Variants in DNM1L observed in about 807,000 individuals in gnomAD.
DNM1L encodes dynamin-1-like protein.
In DNM1L, 33 loss-of-function variants were observed where a neutral mutation model predicts 92.8. The observed-to-expected ratio is 0.36, with a 90% CI of 0.27 to 0.48. DNM1L has a LOEUF of 0.48. Among genes scored for constraint, DNM1L ranks in the 20% least tolerant of loss-of-function variants. The probability of loss-of-function intolerance (pLI) is 0.99; values close to 1 mark genes in which losing one functional copy is unlikely to be tolerated. For synonymous variants in DNM1L, 284 were observed against 305.0 expected (o/e 0.93, Z 0.72); for missense variants, 485 against 888.8 (o/e 0.55, Z 5.78).
intron 18 of DNM1L, among the ~76,000 whole-genome samples, chr12:32,742,388 G>A (rs1955370134): frequency 6.6e-6 from 1 of 152,208 alleles, no homozygotes; most frequent in African/African-American, 2.4e-5. Context: ...ACAGGCATGA[G>A]CCACTGCGCC....
In DNM1L at chr12:32,717,903, GTATATATATAAAATATAGTATATATTTTA is replaced by G. The variant is rs1289599069; in HGVS notation, c.620-714_620-686del. ...TATATATTTATATATACTATATATA[GTATATATATAAAATATAGTATATATTTTA>G]TATATATATAAAATATAGTATATAT... On this transcript the variant is annotated intron_variant, in intron 6 of 19. Coordinates refer to ENST00000549701, the MANE Select transcript of DNM1L (RefSeq NM_012062.5). Among the ~76,000 whole-genome samples the G allele has an allele frequency of 1.6e-3, 127 of 79,454 alleles. 7 individuals carry two copies. Among genetic ancestry groups the G allele is most frequent in the African/African-American group, 5.8e-3 (107 of 18,576 alleles). The allele number at this position is 79,454 out of a possible 152,430, so 52.1% of individuals were successfully genotyped here.
At chr12:32,715,507 C>T (rs897492313) in intron 6 of DNM1L, among the ~76,000 whole-genome samples, 4 of 151,842 alleles carry the variant, frequency 2.6e-5, no homozygotes, top group South Asian at 2.1e-4. Context: ...CTGAGGTGAG[C>T]GGATCGCTTG....
At chr12:32,706,773 TGA>T in intron 2 of DNM1L, 1 of 445,454 alleles carries the variant, frequency 2.2e-6, no homozygotes. Flanking sequence ...TCTATAATAA[TGA>T]GAGAGCTCTT....
intron 1 of DNM1L, among the ~76,000 whole-genome samples, chr12:32,695,394 A>G (rs768163346): frequency 4.6e-5 from 7 of 152,226 alleles, no homozygotes; most frequent in Non-Finnish European, 7.3e-5. Context: ...GGCAAGACAG[A>G]AGACACTACA....
At chr12:32,681,939 A>C (rs1052966679) in intron 1 of DNM1L, among the ~76,000 whole-genome samples, 2 of 151,842 alleles carry the variant, frequency 1.3e-5, no homozygotes, top group Non-Finnish European at 2.9e-5. Context: ...GGCTGCAGTG[A>C]GCTATGATTC....
chr12:32,710,558 G>T (rs1328481584), intron 4 of DNM1L, among the ~76,000 whole-genome samples: 1 of 151,236 alleles, frequency 6.6e-6, no homozygotes, highest in Admixed American at 6.6e-5. Context: ...TTTTGAGGCT[G>T]CAGTGAGCCA....
Position 32,744,919 on chromosome 12 carries a change from T to TAGAC in DNM1L, c.*1511_*1514dup. On this transcript the variant is annotated 3_prime_UTR_variant, in exon 20 of 20. Coordinates refer to ENST00000549701, the MANE Select transcript of DNM1L (RefSeq NM_012062.5). ...TTAAGACATCTAGCCCCGTCTCTAA[T>TAGAC]AGACAACACATTTATATTGCAGATA... 1 of 517,798 alleles carries TAGAC rather than the reference T, an allele frequency of 1.9e-6. No homozygotes were observed. The highest frequency in any genetic ancestry group is 1.4e-5 in the South Asian group (1 of 71,222). The allele number at this position is 517,798 out of a possible 1,614,324, so 32.1% of individuals were successfully genotyped here.
chr12:32,717,391 GTATA>G (rs1454533592), intron 6 of DNM1L, among the ~76,000 whole-genome samples: 1 of 56,832 alleles, frequency 1.8e-5, no homozygotes, highest in Non-Finnish European at 3.2e-5. Flanking sequence ...ATAATATATA[GTATA>G]TATAATATAT....
At chr12:32,720,619 G>C (rs761631903) in intron 7 of DNM1L, 45 bp from the exon 8 acceptor site, 2 of 1,612,454 alleles carry the variant, frequency 1.2e-6, no homozygotes, top group Admixed American at 3.3e-5. Context: ...GGTAGGAAGA[G>C]GACAACAGTT....
At chr12:32,724,377 A>G (rs1304855963) in intron 9 of DNM1L, among the ~76,000 whole-genome samples, 1 of 151,746 alleles carries the variant, frequency 6.6e-6, no homozygotes, top group African/African-American at 2.4e-5. Context: ...AGAGATCAAG[A>G]CCATCCTGGC....
rs1290372196 is a variant in DNM1L at position 32,744,098 on chromosome 12, G to A, written c.*688G>A. 6.6e-6 allele frequency: 1 copy of A among 152,198 alleles called. No homozygotes were observed. Among genetic ancestry groups the A allele is most frequent in the African/African-American group, 2.4e-5 (1 of 41,428 alleles). 9.4% of individuals were successfully genotyped at this position (152,198 alleles called of 1,614,324 possible). On this transcript the variant is annotated 3_prime_UTR_variant, in exon 20 of 20. Coordinates refer to ENST00000549701, the MANE Select transcript of DNM1L (RefSeq NM_012062.5). The stretch of plus-strand genomic sequence containing the variant: ...TGATTCATACTTAAACCTGAAAGCA[G>A]GAATGCCTACATTAATTCCTACATT...
In DNM1L at chr12:32,744,819, A is replaced by C. The variant is rs1420368245; in HGVS notation, c.*1409A>C. 1 of 472,648 alleles carries C rather than the reference A, an allele frequency of 2.1e-6. No individual in the cohort carries two copies. Among genetic ancestry groups the C allele is most frequent in the Non-Finnish European group, 4.3e-6 (1 of 234,840 alleles). The allele number at this position is 472,648 out of a possible 1,614,324, so 29.3% of individuals were successfully genotyped here. A position where few individuals can be genotyped will look rare whatever the true frequency, so the allele number is the denominator to read the frequency against. The stretch of plus-strand genomic sequence containing the variant: ...GTGATGAGGTTTAGAACATATACAT[A>C]TTTTGTTAAAATTCCCCAGATGATT... On this transcript the variant is annotated 3_prime_UTR_variant, in exon 20 of 20. Transcript: ENST00000549701.
At chr12:32,696,397 C>CAG (rs1952461471) in intron 1 of DNM1L, among the ~76,000 whole-genome samples, 1 of 150,826 alleles carries the variant, frequency 6.6e-6, no homozygotes, top group African/African-American at 2.4e-5. Context: ...CACACACACA[C>CAG]ACACACACAC....
At chr12:32,724,655 T>C (rs1954013587) in intron 9 of DNM1L, among the ~76,000 whole-genome samples, 1 of 142,200 alleles carries the variant, frequency 7.0e-6, no homozygotes, top group Non-Finnish European at 1.5e-5. Flanking sequence ...AAATATTTAA[T>C]ATATATATAA....
chr12:32,685,151 A>T (rs974355266), intron 1 of DNM1L, among the ~76,000 whole-genome samples: 1 of 151,448 alleles, frequency 6.6e-6, no homozygotes, highest in Non-Finnish European at 1.5e-5. Flanking sequence ...GTTAGCCAGG[A>T]TGGTCTCGAT....
At chr12:32,732,773 CA>C (rs1954634769) in intron 12 of DNM1L, among the ~76,000 whole-genome samples, 1 of 152,112 alleles carries the variant, frequency 6.6e-6, no homozygotes, top group Non-Finnish European at 1.5e-5. Flanking sequence ...TTTGTTAGGA[CA>C]GCACATAATA....
chr12:32,737,764 T>C, intron 14 of DNM1L, 101 bp from the exon 15 acceptor site: 1 of 877,614 alleles, frequency 1.1e-6, no homozygotes, highest in South Asian at 1.4e-5. Flanking sequence ...TCATGTTATT[T>C]TACGATTTCA....
In DNM1L at chr12:32,696,781, C is replaced by T. The variant is rs182442131; in HGVS notation, c.103-4634C>T. ...CTGGGATTGCAGGCATCTGCCACCA[C>T]GCCCGGCTAATTTTTGTATTTTTAG... On this transcript the variant is annotated intron_variant, in intron 1 of 19. Transcript: ENST00000549701. Among the ~76,000 whole-genome samples the T allele has an allele frequency of 8.1e-3, 1,221 of 151,322 alleles. 10 individuals are homozygous for T. The highest frequency in any genetic ancestry group is 0.029 in the African/African-American group (1,177 of 41,298).
At chr12:32,694,771 A>C (rs1952373742) in intron 1 of DNM1L, among the ~76,000 whole-genome samples, 1 of 152,206 alleles carries the variant, frequency 6.6e-6, no homozygotes, top group Non-Finnish European at 1.5e-5. Context: ...GGAACAAACC[A>C]TTGTTATCCA....
Sources: allele counts gnomAD v4.1 joint callset (sites outside exome capture counted in the v4.1 genomes callset), GRCh38; gene constraint gnomAD v4.1.1; transcripts MANE v1.5; gene names NCBI Gene and HGNC (gene_info 2026-07-23, HGNC 2026-07-21).